Variants in TP63 observed in about 807,000 individuals in gnomAD.
TP63 encodes tumor protein 63.
A neutral mutation model predicts 82.8 loss-of-function variants in TP63; 17 were observed. The observed-to-expected ratio is 0.21, with a 90% CI of 0.14 to 0.31. The LOEUF (loss-of-function observed/expected upper bound fraction) is 0.31, where lower values mean the gene tolerates loss of function less well. Among genes scored for constraint, TP63 ranks in the 10% least tolerant of loss-of-function variants. TP63 has a pLI of 1.00. For synonymous variants in TP63, 330 were observed against 321.7 expected, an observed-to-expected ratio of 1.03 and a Z score of -0.28; for missense variants, 648 against 895.3, an observed-to-expected ratio of 0.72 and a Z score of 3.52.
At chr3:189,618,480 C>T in the TP63 span, among the ~76,000 whole-genome samples, 1 of 152,174 alleles carries the variant, frequency 6.6e-6, no homozygotes, top group Non-Finnish European at 1.5e-5. Flanking sequence ...GGTCAAGCCC[C>T]CTGGCTGTGA....
At chr3:189,780,828 CG>C (rs1724175438) in intron 3 of TP63, among the ~76,000 whole-genome samples, 1 of 152,172 alleles carries the variant, frequency 6.6e-6, no homozygotes, top group African/African-American at 2.4e-5. Flanking sequence ...TCTCTGCTGG[CG>C]GTGACAGTGA....
chr3:189,777,744 T>C (rs986006582), intron 3 of TP63, among the ~76,000 whole-genome samples: 2 of 150,256 alleles, frequency 1.3e-5, no homozygotes, highest in African/African-American at 4.9e-5. Flanking sequence ...TTCACCCGAC[T>C]TTGTAAACAT....
chr3:189,852,736 A>C (rs1715803060), intron 4 of TP63, among the ~76,000 whole-genome samples: 1 of 152,122 alleles, frequency 6.6e-6, no homozygotes, highest in Admixed American at 6.5e-5. Context: ...CCTCAGTGAC[A>C]CCTCTTTGCC....
chr3:189,653,090 A>G (rs1367433193), intron 1 of TP63, among the ~76,000 whole-genome samples: 5 of 119,820 alleles, frequency 4.2e-5, no homozygotes, highest in African/African-American at 1.7e-4. Context: ...ATGTTGCCAG[A>G]TAAGTATGGC....
intron 1 of TP63, among the ~76,000 whole-genome samples, chr3:189,644,329 C>A (rs1475353533): frequency 6.6e-6 from 1 of 151,874 alleles, no homozygotes; most frequent in Admixed American, 6.6e-5. Context: ...TTCTGCACAC[C>A]CTCACAATCT....
chr3:189,888,766 A>G (rs528117650), intron 11 of TP63, among the ~76,000 whole-genome samples: 35 of 152,236 alleles, frequency 2.3e-4, no homozygotes, highest in Non-Finnish European at 4.6e-4. Flanking sequence ...GACCATAAGT[A>G]ATAGAATATT....
chr3:189,717,344 A>C (rs1719038014), intron 1 of TP63, among the ~76,000 whole-genome samples: 1 of 152,180 alleles, frequency 6.6e-6, no homozygotes, highest in African/African-American at 2.4e-5. Flanking sequence ...TAATGTACTA[A>C]ATATCATCTT....
intron 10 of TP63, chr3:189,880,628 T>C: frequency 1.0e-6 from 1 of 985,886 alleles, no homozygotes; most frequent in Non-Finnish European, 1.2e-6. Flanking sequence ...TTATTGTCTG[T>C]GCATAAGTAA....
intron 3 of TP63, among the ~76,000 whole-genome samples, chr3:189,742,696 A>G (rs993033996): frequency 6.6e-6 from 1 of 152,256 alleles, no homozygotes; most frequent in Non-Finnish European, 1.5e-5. Flanking sequence ...AGGTCTAGCC[A>G]TAACAATTTT....
chr3:189,619,456 T>C, the TP63 span, among the ~76,000 whole-genome samples: 2 of 152,196 alleles, frequency 1.3e-5, no homozygotes, highest in Admixed American at 6.5e-5. Context: ...TAGCTAAACA[T>C]TCAAATGTCT....
intron 1 of TP63, among the ~76,000 whole-genome samples, chr3:189,682,455 A>G (rs1168803035): frequency 6.7e-6 from 1 of 149,598 alleles, no homozygotes; most frequent in Non-Finnish European, 1.5e-5. Context: ...CTGGAAAAAA[A>G]TAGGACGATA....
At chr3:189,868,817 T>C in intron 8 of TP63, 101 bp downstream of exon 8, 2 of 1,594,256 alleles carry the variant, frequency 1.3e-6, no homozygotes, top group South Asian at 2.2e-5. Flanking sequence ...CCTGTGACCT[T>C]CAGCAGCAAG....
At chr3:189,623,511 G>C in the TP63 span, among the ~76,000 whole-genome samples, 1 of 152,152 alleles carries the variant, frequency 6.6e-6, no homozygotes, top group Non-Finnish European at 1.5e-5. Context: ...TGAAGTTGAA[G>C]ATGATAAAAG....
At chr3:189,828,359 C>A (rs1273568374) in intron 4 of TP63, among the ~76,000 whole-genome samples, 1 of 151,952 alleles carries the variant, frequency 6.6e-6, no homozygotes, top group African/African-American at 2.4e-5. Flanking sequence ...AGATAGAAAC[C>A]TATTTTCCGT....
At chr3:189,701,318 C>T (rs535210698) in intron 1 of TP63, among the ~76,000 whole-genome samples, 1 of 152,036 alleles carries the variant, frequency 6.6e-6, no homozygotes, top group East Asian at 1.9e-4. Flanking sequence ...TATGAAAATT[C>T]ATTTCTCCGT....
At position 189,782,756 on chromosome 3, in the gene TP63, A is replaced by G. The variant is rs1724321331; in HGVS notation, c.325-25516A>G. Among the ~76,000 whole-genome samples the G allele has an allele frequency of 2.6e-5, 4 of 152,268 alleles. No homozygotes were observed. In the South Asian group the frequency reaches 6.2e-4, roughly 24 times the overall value. ...TTAAGACCTTCTCTTTCCAAAGTAG[A>G]CCAGTCAATGGGAGTACAGATGAAT... is the stretch of plus-strand genomic sequence containing the variant. On this transcript the variant is annotated intron_variant, in intron 3 of 13. Transcript: ENST00000264731.
At chr3:189,883,294 A>G (rs1013605045) in intron 10 of TP63, among the ~76,000 whole-genome samples, 6 of 152,176 alleles carry the variant, frequency 3.9e-5, no homozygotes, top group Non-Finnish European at 7.4e-5. Context: ...TAGTTCAGTC[A>G]TTTTGAAATT....
At chr3:189,687,506 G>A (rs1162671736) in intron 1 of TP63, among the ~76,000 whole-genome samples, 1 of 152,164 alleles carries the variant, frequency 6.6e-6, no homozygotes, top group Non-Finnish European at 1.5e-5. Context: ...CTTTGTAAAA[G>A]GGGAACCTAG....
At chr3:189,749,843 G>A (rs1028203032) in intron 3 of TP63, among the ~76,000 whole-genome samples, 2 of 152,092 alleles carry the variant, frequency 1.3e-5, no homozygotes, top group Non-Finnish European at 2.9e-5. Flanking sequence ...AGGAATGAAG[G>A]CCAGGTGCGG....
Sources: allele counts gnomAD v4.1 joint callset (sites outside exome capture counted in the v4.1 genomes callset), GRCh38; gene constraint gnomAD v4.1.1; transcripts MANE v1.5; gene names NCBI Gene and HGNC (gene_info 2026-07-23, HGNC 2026-07-21).